The following NUAK1 variants were observed in gnomAD, a reference collection of about 807,000 sequenced individuals.
NUAK1 encodes the protein NUAK family SNF1-like kinase 1.
NUAK1 carries 26 observed loss-of-function variants against 56.9 expected under a neutral mutation model. The observed-to-expected ratio is 0.46, with a 90% CI of 0.33 to 0.63. NUAK1 has a LOEUF of 0.63. Ranked by LOEUF, NUAK1 falls within the 30% of genes least tolerant of loss-of-function variation. The pLI is 0.02. For synonymous variants in NUAK1, 337 were observed against 336.0 expected, an observed-to-expected ratio of 1.00 and a Z score of -0.03; for missense variants, 727 against 876.1, an observed-to-expected ratio of 0.83 and a Z score of 2.15.
chr12:106,105,101 G>A (rs1039184057), intron 2 of NUAK1, among the ~76,000 whole-genome samples: 3 of 151,948 alleles, frequency 2.0e-5, no homozygotes, highest in Non-Finnish European at 4.4e-5. Context: ...CTACAGGCAT[G>A]CGCCACCACA....
rs777522611 is a variant in NUAK1 at position 106,067,101 on chromosome 12, G to A, written c.1687C>T (p.Arg563Trp). 61 of 1,614,092 alleles carry A rather than the reference G, an allele frequency of 3.8e-5. No homozygotes were observed. The highest frequency in any genetic ancestry group is 4.7e-5 in the Non-Finnish European group (56 of 1,180,050). The stretch of plus-strand genomic sequence containing the variant: ...ACACTGGAAGGGCGGCTGTAGCTCC[G>A]GGAGAGGCCCTCGGCAGGGACACCA... ...EPGVPAEGLSRSYSRPSSVIS... is the reference protein window; with the variant it reads ...EPGVPAEGLSWSYSRPSSVIS... Residue 563 changes from arginine to tryptophan, a missense_variant, in exon 7 of 7, where the codon CGG becomes TGG. Physicochemically the swap from Arg to Trp is moderately radical, Grantham distance 101 (BLOSUM62 -3). Transcript: ENST00000261402. The surrounding 1 kb of genome is among the most constrained non-coding windows in gnomAD (Gnocchi z 6.0).
chr12:106,100,115 C>T (rs951608515), intron 2 of NUAK1, among the ~76,000 whole-genome samples: 3 of 150,330 alleles, frequency 2.0e-5, no homozygotes, highest in Admixed American at 6.6e-5. Flanking sequence ...CCCATCTCTA[C>T]CAACATGACC....
chr12:106,136,082 A>G (rs2033126884), intron 1 of NUAK1, among the ~76,000 whole-genome samples: 1 of 152,166 alleles, frequency 6.6e-6, no homozygotes, highest in Admixed American at 6.5e-5. Flanking sequence ...CAGTTTTCCC[A>G]TCTGTTTTAT....
intron 2 of NUAK1, among the ~76,000 whole-genome samples, chr12:106,088,925 T>A (rs530376695): frequency 6.6e-6 from 1 of 152,202 alleles, no homozygotes; most frequent in East Asian, 1.9e-4. Flanking sequence ...CAAACCTCCC[T>A]GATAAAATGA....
intron 6 of NUAK1, among the ~76,000 whole-genome samples, chr12:106,069,720 T>C (rs975546846): frequency 1.3e-5 from 2 of 152,222 alleles, no homozygotes; most frequent in Non-Finnish European, 1.5e-5. Context: ...ACAAATTCAG[T>C]GTTTGTAGCA....
At chr12:106,080,670 C>G (rs1279442400) in intron 4 of NUAK1, among the ~76,000 whole-genome samples, 2 of 152,202 alleles carry the variant, frequency 1.3e-5, no homozygotes, top group African/African-American at 4.8e-5. Context: ...CTACATGGCT[C>G]TCCCCACCAC....
chr12:106,089,023 C>T (rs1046253011), intron 2 of NUAK1, among the ~76,000 whole-genome samples: 28 of 152,208 alleles, frequency 1.8e-4, no homozygotes, highest in Non-Finnish European at 3.1e-4. Context: ...CTCGGTGTAC[C>T]CTGCAGCTTT....
chr12:106,121,000 G>A (rs1020715027), intron 1 of NUAK1, among the ~76,000 whole-genome samples: 3 of 152,206 alleles, frequency 2.0e-5, no homozygotes, highest in African/African-American at 7.2e-5. Context: ...TGATACCTGA[G>A]TTCCTTCCCC....
At chr12:106,095,143 A>T (rs540961718) in intron 2 of NUAK1, among the ~76,000 whole-genome samples, 1 of 152,078 alleles carries the variant, frequency 6.6e-6, no homozygotes, top group East Asian at 1.9e-4. Flanking sequence ...GTCATACACA[A>T]CACACACACA....
At chr12:106,132,844 T>C (rs1322321401) in intron 1 of NUAK1, among the ~76,000 whole-genome samples, 2 of 152,108 alleles carry the variant, frequency 1.3e-5, no homozygotes, top group Non-Finnish European at 1.5e-5. Flanking sequence ...AACACCCCAC[T>C]GTGATCAGAA....
chr12:106,128,878 T>C (rs2033049643), intron 1 of NUAK1, among the ~76,000 whole-genome samples: 1 of 152,204 alleles, frequency 6.6e-6, no homozygotes, highest in South Asian at 2.1e-4. Flanking sequence ...AGGCAAATCA[T>C]GATGGTGTTT....
At chr12:106,122,837 T>C (rs1364489452) in intron 1 of NUAK1, among the ~76,000 whole-genome samples, 2 of 152,222 alleles carry the variant, frequency 1.3e-5, no homozygotes, top group Non-Finnish European at 2.9e-5. Context: ...AAGGATGGTA[T>C]ATTTTAACAG....
intron 2 of NUAK1, among the ~76,000 whole-genome samples, chr12:106,098,940 T>A (rs2032722226): frequency 6.6e-6 from 1 of 152,212 alleles, no homozygotes; most frequent in Non-Finnish European, 1.5e-5. Context: ...TATTGTCAAT[T>A]ACCTCCCTGC....
intron 2 of NUAK1, among the ~76,000 whole-genome samples, chr12:106,099,911 C>T (rs2032731186): frequency 6.6e-6 from 1 of 151,624 alleles, no homozygotes; most frequent in African/African-American, 2.4e-5. Flanking sequence ...CCACCTTAGC[C>T]TCCTGAGTAG....
intron 1 of NUAK1, among the ~76,000 whole-genome samples, chr12:106,109,916 T>C (rs1016803533): frequency 2.6e-5 from 4 of 152,172 alleles, no homozygotes; most frequent in Non-Finnish European, 5.9e-5. Context: ...CCTTCCCTTC[T>C]TCCTTTCTTT....
chr12:106,094,155 C>T (rs1023537635), intron 2 of NUAK1, among the ~76,000 whole-genome samples: 1 of 152,120 alleles, frequency 6.6e-6, no homozygotes, highest in Non-Finnish European at 1.5e-5. Flanking sequence ...AGCAGTGGCC[C>T]CAAGAGAATT....
chr12:106,113,776 C>T (rs1204617892), intron 1 of NUAK1, among the ~76,000 whole-genome samples: 1 of 151,418 alleles, frequency 6.6e-6, no homozygotes, highest in Non-Finnish European at 1.5e-5. Context: ...TTAATTTACC[C>T]CTGGTAAATG....
intron 4 of NUAK1, among the ~76,000 whole-genome samples, chr12:106,076,814 T>C (rs543550116): frequency 6.6e-6 from 1 of 152,110 alleles, no homozygotes; most frequent in East Asian, 1.9e-4. Flanking sequence ...AATTCAGAGA[T>C]GGAAAATAGA....
At chr12:106,133,116 C>T (rs79701084) in intron 1 of NUAK1, among the ~76,000 whole-genome samples, 6 of 152,158 alleles carry the variant, frequency 3.9e-5, no homozygotes, top group South Asian at 4.1e-4. Context: ...ATTATTATTA[C>T]CCCCATCTTA....
Sources: gnomAD v4.1 joint callset for allele counts (sites outside exome capture counted in the v4.1 genomes callset) on GRCh38, gnomAD v4.1.1 for gene constraint, Gnocchi (gnomAD v3.1) non-coding constraint, MANE v1.5 for transcripts, NCBI Gene and HGNC (gene_info 2026-07-23, HGNC 2026-07-21) for gene names.